Variants in ATP10B observed in about 807,000 individuals in gnomAD.
ATP10B encodes the protein ATPase phospholipid transporting 10B (putative).
ATP10B carries 122 observed loss-of-function variants against 141.2 expected under a neutral mutation model. The ratio of observed to expected loss-of-function variants is 0.86; its 90% confidence interval spans 0.75 to 1.00. ATP10B has a LOEUF of 1.00. Among genes scored for constraint, ATP10B ranks in the 50% least tolerant of loss-of-function variants. The pLI is 0.00. For missense variants in ATP10B, 1,876 were observed against 1,825.3 expected (o/e 1.03, Z -0.51); for synonymous variants, 685 against 692.0 (o/e 0.99, Z 0.16).
Position 160,620,362 on chromosome 5 carries a change from C to T in ATP10B, c.2401G>A (p.Glu801Lys). 6.2e-7 allele frequency: 1 copy of T among 1,610,576 alleles called. No homozygotes were observed. The highest frequency in any genetic ancestry group is 8.5e-7 in the Non-Finnish European group (1 of 1,177,920). ...GADSVIMDLL[E>K]DPACVPDINM... ...CAGGACTCACCGCAGGCTGGGTCTT[C>T]CAGCAGGTCCATGATGACCGAGTCA... Residue 801 changes from glutamate (E) to lysine (K), a missense_variant, in exon 15 of 26, where the codon GAA (glutamate) becomes AAA (lysine). Coordinates refer to ENST00000327245, the MANE Select transcript of ATP10B (RefSeq NM_025153.3).
At chr5:160,900,908 GTTTT>G in the ATP10B span, among the ~76,000 whole-genome samples, 955 of 88,980 alleles carry the variant, frequency 0.011, 11 homozygotes, top group Middle Eastern at 0.037. Context: ...GGGTAGAGAA[GTTTT>G]TTTTTTTTTT....
the ATP10B span, among the ~76,000 whole-genome samples, chr5:160,883,229 C>G: frequency 6.6e-6 from 1 of 152,150 alleles, no homozygotes. Context: ...CATTTTTGAA[C>G]ATGCAAGAAT....
intron 13 of ATP10B, among the ~76,000 whole-genome samples, chr5:160,630,667 C>T (rs1372104053): frequency 6.6e-6 from 1 of 152,138 alleles, no homozygotes; most frequent in Non-Finnish European, 1.5e-5. Context: ...TAGCAATATA[C>T]ACACCTTGTT....
At chr5:160,579,883 C>T (rs994604109) in intron 24 of ATP10B, among the ~76,000 whole-genome samples, 4 of 152,138 alleles carry the variant, frequency 2.6e-5, no homozygotes, top group African/African-American at 9.7e-5. Context: ...TCTTTCACTT[C>T]CCTTGTTAGC....
chr5:160,654,155 G>A (rs1243871947), intron 7 of ATP10B, among the ~76,000 whole-genome samples: 3 of 150,842 alleles, frequency 2.0e-5, no homozygotes, highest in African/African-American at 7.3e-5. Flanking sequence ...ATAGAGATGG[G>A]GGTCTTACTC....
intron 13 of ATP10B, 142 bp downstream of exon 13, chr5:160,631,987 T>A (rs941075125): frequency 1.1e-5 from 7 of 642,812 alleles, no homozygotes; most frequent in Non-Finnish European, 1.3e-5. Flanking sequence ...ACAAAACACA[T>A]GTGTGGAGTA....
Position 160,782,755 on chromosome 5 carries a change from G to A in ATP10B, c.-331+2804C>T, listed in dbSNP as rs965274966. On this transcript the variant is annotated intron_variant, in intron 2 of 25. Transcript: ENST00000327245. ...TAAAGAAATTATCATTAATTCCTGA[G>A]GTGCAATACTAATCAATGGCAAAAA... 2.1e-4 allele frequency among the ~76,000 whole-genome samples: 32 copies of A among 151,198 alleles called. 1 individual carries two copies.
At chr5:160,921,837 A>G in the ATP10B span, among the ~76,000 whole-genome samples, 1 of 152,196 alleles carries the variant, frequency 6.6e-6, no homozygotes, top group African/African-American at 2.4e-5. Flanking sequence ...GAGAGCAAAG[A>G]TGGCTTCCCT....
intron 2 of ATP10B, among the ~76,000 whole-genome samples, chr5:160,718,249 A>G (rs1041483574): frequency 1.1e-4 from 17 of 152,152 alleles, no homozygotes; most frequent in African/African-American, 4.1e-4. Flanking sequence ...TTTTGGGTAC[A>G]TACCAGAAAG....
chr5:160,916,608 G>A, the ATP10B span, among the ~76,000 whole-genome samples: 1 of 152,200 alleles, frequency 6.6e-6, no homozygotes, highest in Non-Finnish European at 1.5e-5. Context: ...TAGGAGGTAA[G>A]TGCTCCTTTA....
chr5:160,748,339 A>G (rs116346870), intron 2 of ATP10B, among the ~76,000 whole-genome samples: 1 of 152,338 alleles, frequency 6.6e-6, no homozygotes, highest in African/African-American at 2.4e-5. Context: ...AGGTGCTGAC[A>G]GCTTTTTTCT....
the ATP10B span, among the ~76,000 whole-genome samples, chr5:160,873,437 A>G: frequency 3.1e-3 from 467 of 152,368 alleles, 2 homozygotes; most frequent in African/African-American, 0.011. Context: ...GGTTAGGAAG[A>G]AAGAAATATA....
chr5:160,812,029 A>C (rs1773201137), intron 1 of ATP10B, among the ~76,000 whole-genome samples: 1 of 71,020 alleles, frequency 1.4e-5, no homozygotes, highest in African/African-American at 3.4e-5. Flanking sequence ...ACAGAGAGAG[A>C]GAGAGAGAGA....
intron 7 of ATP10B, among the ~76,000 whole-genome samples, chr5:160,661,560 T>A (rs1056394374): frequency 1.3e-5 from 2 of 152,116 alleles, no homozygotes. Context: ...GGGAGACAGA[T>A]AAAATAAGAC....
the ATP10B span, among the ~76,000 whole-genome samples, chr5:160,895,452 A>G: frequency 2.0e-5 from 3 of 152,228 alleles, no homozygotes; most frequent in East Asian, 1.9e-4. Context: ...AAAAAAGACA[A>G]GGGCATTACA....
chr5:160,774,174 G>A (rs1342609983), intron 2 of ATP10B, among the ~76,000 whole-genome samples: 1 of 152,156 alleles, frequency 6.6e-6, no homozygotes, highest in Non-Finnish European at 1.5e-5. Context: ...GACATACAAA[G>A]TAAATGACAT....
intron 11 of ATP10B, 38 bp from the exon 12 acceptor site, chr5:160,634,644 C>T: frequency 1.9e-6 from 3 of 1,559,768 alleles, no homozygotes; most frequent in Non-Finnish European, 2.6e-6. Flanking sequence ...AGAAACCAGG[C>T]AGGTTCCCTC....
At chr5:160,654,868 G>A (rs749536929) in intron 7 of ATP10B, among the ~76,000 whole-genome samples, 7 of 152,054 alleles carry the variant, frequency 4.6e-5, no homozygotes, top group Non-Finnish European at 8.8e-5. Flanking sequence ...TTATTATCCC[G>A]ATTTCAGAGA....
At chr5:160,906,182 A>G in the ATP10B span, among the ~76,000 whole-genome samples, 1 of 152,214 alleles carries the variant, frequency 6.6e-6, no homozygotes, top group Admixed American at 6.5e-5. Context: ...AGTACTATGC[A>G]AGGCATGTTA....
Sources: allele counts gnomAD v4.1 joint callset (sites outside exome capture counted in the v4.1 genomes callset), GRCh38; gene constraint gnomAD v4.1.1; transcripts MANE v1.5; gene names NCBI Gene and HGNC (gene_info 2026-07-23, HGNC 2026-07-21).